Variants in NCKAP5 observed in about 807,000 individuals in gnomAD.
NCKAP5 encodes the protein nck-associated protein 5.
In NCKAP5, 92 loss-of-function variants were observed where a neutral mutation model predicts 167.0. The observed-to-expected ratio is 0.55, with a 90% confidence interval of 0.47 to 0.66. The LOEUF (loss-of-function observed/expected upper bound fraction) is 0.66. NCKAP5 is among the 30% of genes least tolerant of loss of function. The probability of loss-of-function intolerance (pLI) is 0.00; values close to 1 mark genes in which losing one functional copy is unlikely to be tolerated. For synonymous variants in NCKAP5, 891 were observed against 877.4 expected, an observed-to-expected ratio of 1.02 and a Z score of -0.27; for missense variants, 2,378 against 2,315.0, an observed-to-expected ratio of 1.03 and a Z score of -0.56.
At chr2:133,283,076 C>T (rs1230470363) in intron 4 of NCKAP5, among the ~76,000 whole-genome samples, 1 of 152,122 alleles carries the variant, frequency 6.6e-6, no homozygotes, top group Non-Finnish European at 1.5e-5. Flanking sequence ...TTATACTACT[C>T]ACATAAGCAG....
At position 132,782,737 on chromosome 2, in the gene NCKAP5, G is replaced by C; in HGVS notation, c.4074C>G (p.Phe1358Leu). ...GKGSLGSSGS[F>L]SSQHGSPSKL... ...TACTTGGGCTCCCATGCTGACTGCT[G>C]AAGCTGCCTGAGCTCCCCAGGGAGC... is the stretch of plus-strand genomic sequence containing the variant. The change falls in exon 14 of 20, where the codon TTC (phenylalanine) becomes TTG (leucine). Residue 1358 changes from phenylalanine (F) to leucine (L), a missense_variant. Phe to Leu is a conservative substitution (Grantham distance 22). Coordinates refer to ENST00000409261, the MANE Select transcript of NCKAP5 (RefSeq NM_207363.3). 6 of 1,614,002 alleles carry C rather than the reference G, an allele frequency of 3.7e-6. No homozygotes were observed. Among genetic ancestry groups the C allele is most frequent in the Non-Finnish European group, 5.1e-6 (6 of 1,179,890 alleles).
At position 133,544,396 on chromosome 2, in the gene NCKAP5, T is replaced by C. The variant is rs141344254; in HGVS notation, c.-62+14654A>G. Among the ~76,000 whole-genome samples, 36 of 152,292 alleles carry C rather than the reference T, an allele frequency of 2.4e-4. 2 individuals are homozygous for C. In the East Asian group the frequency reaches 6.7e-3, roughly 29 times the overall value. Reference sequence around the variant, plus strand: ...TGTAGAAACCTACATGGAAAATACATGTACTTATTTAATATGTAAGCTTTT... The same window carrying C: ...TGTAGAAACCTACATGGAAAATACACGTACTTATTTAATATGTAAGCTTTT... On this transcript the variant is annotated intron_variant, in intron 2 of 19. Coordinates refer to ENST00000409261, the MANE Select transcript of NCKAP5 (RefSeq NM_207363.3).
At chr2:133,377,877 T>C (rs551362426) in intron 3 of NCKAP5, among the ~76,000 whole-genome samples, 29 of 151,984 alleles carry the variant, frequency 1.9e-4, no homozygotes, top group Non-Finnish European at 4.0e-4. Flanking sequence ...CTTGGATTCA[T>C]GAGACCAGGA....
intron 19 of NCKAP5, 123 bp downstream of exon 19, chr2:132,725,504 C>T: frequency 8.2e-7 from 1 of 1,220,128 alleles, no homozygotes; most frequent in Non-Finnish European, 1.1e-6. Flanking sequence ...AATTAGATCT[C>T]AGGAGAGACA....
intron 3 of NCKAP5, among the ~76,000 whole-genome samples, chr2:133,461,582 C>T (rs1692201129): frequency 6.6e-6 from 1 of 152,162 alleles, no homozygotes; most frequent in African/African-American, 2.4e-5. Flanking sequence ...CTCCACCATC[C>T]CCTAGGACAT....
At chr2:133,492,107 A>G (rs1014035812) in intron 3 of NCKAP5, among the ~76,000 whole-genome samples, 1 of 121,586 alleles carries the variant, frequency 8.2e-6, no homozygotes, top group Non-Finnish European at 1.8e-5. Context: ...CCTGCCCCCA[A>G]TCCCTGCTCT....
chr2:132,695,436 C>A (rs1441496088), intron 19 of NCKAP5, among the ~76,000 whole-genome samples: 1 of 152,076 alleles, frequency 6.6e-6, no homozygotes, highest in East Asian at 1.9e-4. Context: ...CCCATGCTGT[C>A]CTTATGGGAG....
intron 4 of NCKAP5, among the ~76,000 whole-genome samples, chr2:133,288,570 CTT>C (rs370426619): frequency 3.4e-5 from 5 of 145,524 alleles, no homozygotes; most frequent in African/African-American, 5.0e-5. Context: ...GTACAATTAA[CTT>C]TTTTTTTTTT....
At chr2:133,605,960 C>G in the NCKAP5 span, among the ~76,000 whole-genome samples, 1 of 152,124 alleles carries the variant, frequency 6.6e-6, no homozygotes, top group Non-Finnish European at 1.5e-5. Context: ...AGCATATACT[C>G]ACTAAAATGG....
intron 11 of NCKAP5, among the ~76,000 whole-genome samples, chr2:132,815,333 T>C (rs1368638216): frequency 6.6e-6 from 1 of 152,202 alleles, no homozygotes; most frequent in Non-Finnish European, 1.5e-5. Context: ...GCTCTTAGAC[T>C]CATTTGAGAA....
At chr2:133,638,480 A>C in the NCKAP5 span, among the ~76,000 whole-genome samples, 1 of 152,344 alleles carries the variant, frequency 6.6e-6, no homozygotes, top group East Asian at 1.9e-4. Flanking sequence ...GTAATGAAGA[A>C]TACATAAACT....
chr2:133,221,965 A>G (rs1477417645), intron 4 of NCKAP5, among the ~76,000 whole-genome samples: 1 of 152,150 alleles, frequency 6.6e-6, no homozygotes, highest in African/African-American at 2.4e-5. Flanking sequence ...GAGATACTGG[A>G]CCTATTTTAC....
At chr2:133,320,672 G>A (rs1038512378) in intron 3 of NCKAP5, among the ~76,000 whole-genome samples, 1 of 147,972 alleles carries the variant, frequency 6.8e-6, no homozygotes, top group South Asian at 2.2e-4. Flanking sequence ...AGCTTGCAGT[G>A]AGCCGAGATC....
At chr2:132,710,161 T>G (rs1688711507) in intron 19 of NCKAP5, among the ~76,000 whole-genome samples, 1 of 152,100 alleles carries the variant, frequency 6.6e-6, no homozygotes, top group Non-Finnish European at 1.5e-5. Context: ...TCTGATAAAA[T>G]TCAACATGAC....
chr2:133,399,668 A>G (rs1020028463), intron 3 of NCKAP5, among the ~76,000 whole-genome samples: 2 of 152,218 alleles, frequency 1.3e-5, no homozygotes, highest in Admixed American at 1.3e-4. Flanking sequence ...AATATTTAGA[A>G]ATATGTGTAG....
intron 2 of NCKAP5, among the ~76,000 whole-genome samples, chr2:133,543,678 AC>A (rs1199853625): frequency 2.0e-5 from 3 of 152,210 alleles, no homozygotes; most frequent in African/African-American, 7.2e-5. Context: ...ATGAAGGTCT[AC>A]CAAAAGACCT....
At chr2:132,895,374 A>G (rs1424841106) in intron 8 of NCKAP5, among the ~76,000 whole-genome samples, 1 of 151,740 alleles carries the variant, frequency 6.6e-6, no homozygotes, top group Non-Finnish European at 1.5e-5. Flanking sequence ...AAAAATCAAA[A>G]TAAGATCTGG....
the NCKAP5 span, among the ~76,000 whole-genome samples, chr2:133,616,673 C>A: frequency 6.6e-6 from 1 of 151,712 alleles, no homozygotes; most frequent in Admixed American, 6.6e-5. Flanking sequence ...GCTTACCAAC[C>A]AAAAAGAGTC....
chr2:133,421,200 G>A (rs1689452446), intron 3 of NCKAP5, among the ~76,000 whole-genome samples: 1 of 152,014 alleles, frequency 6.6e-6, no homozygotes, highest in Non-Finnish European at 1.5e-5. Flanking sequence ...ACCTCTGCTT[G>A]CTCCCTCATT....
Sources: allele counts gnomAD v4.1 joint callset (sites outside exome capture counted in the v4.1 genomes callset), GRCh38; gene constraint gnomAD v4.1.1; transcripts MANE v1.5; gene names NCBI Gene and HGNC (gene_info 2026-07-23, HGNC 2026-07-21).